The following BCL9L variants were observed in gnomAD, a reference collection of about 807,000 sequenced individuals.
The protein encoded by BCL9L is B-cell CLL/lymphoma 9-like protein.
BCL9L carries 19 observed loss-of-function variants against 99.4 expected under a neutral mutation model. The ratio of observed to expected loss-of-function variants is 0.19; its 90% CI spans 0.13 to 0.28. The LOEUF is 0.28. Ranked by LOEUF, BCL9L falls within the 10% of genes least tolerant of loss-of-function variation. BCL9L has a pLI of 1.00. For synonymous variants in BCL9L, 900 were observed against 854.8 expected (o/e 1.05, Z -0.92); for missense variants, 2,023 against 2,101.6 (o/e 0.96, Z 0.73).
chr11:118,911,800 T>C (rs78780688), intron 2 of BCL9L, among the ~76,000 whole-genome samples: 4,028 of 152,272 alleles, frequency 0.026, 171 homozygotes, highest in African/African-American at 0.091. Context: ...TGAGCCTGCA[T>C]CAGATAGTTG....
In BCL9L at chr11:118,902,158, C is replaced by A; in HGVS notation, c.1585G>T (p.Glu529Ter). Residue 529 changes from glutamate to a stop codon, truncating the protein, a stop_gained, in exon 8 of 10, where the codon GAA becomes TAA. Coordinates refer to ENST00000683865, the MANE Select transcript of BCL9L (RefSeq NM_001378213.1). LOFTEE classifies it high-confidence loss of function. The surrounding 1 kb of genome is among the most constrained non-coding windows in gnomAD (Gnocchi z 7.8). ...AWRKLQEEYY[E>*]EKRRKEEQIG... The stretch of plus-strand genomic sequence containing the variant: ...TGTTCCTCTTTCCGCCGTTTCTCTT[C>A]GTAGTACTCCTCCTGCAGCTTGCGC... The A allele has an allele frequency of 6.2e-7, 1 of 1,614,118 alleles. No homozygotes were observed. The highest frequency in any genetic ancestry group is 1.1e-5 in the South Asian group (1 of 91,084).
rs1405757253 is a variant in BCL9L at position 118,898,698 on chromosome 11, G to C, written c.4217C>G (p.Pro1406Arg). 8 of 1,611,670 alleles carry C rather than the reference G, an allele frequency of 5.0e-6. No individual in the cohort carries two copies. The highest frequency in any genetic ancestry group is 2.2e-5 in the South Asian group (2 of 90,882). Residue 1406 changes from proline to arginine, a missense_variant, in exon 10 of 10, where the codon CCC becomes CGC. Transcript: ENST00000683865. The part of the protein sequence containing the change: ...QMSLLGRTGV[P>R]PQQGMVPHGL... ...ATGGGGCACCATCCCCTGCTGTGGG[G>C]GCACGCCTGTCCTGCCCAGCAAGGA...
At position 118,902,591 on chromosome 11, in the gene BCL9L, G is replaced by T; in HGVS notation, c.1152C>A (p.Ala384=). 6.2e-7 allele frequency: 1 copy of T among 1,600,296 alleles called. No homozygotes were observed. Among genetic ancestry groups the T allele is most frequent in the South Asian group, 1.1e-5 (1 of 91,074 alleles). ...GGCTGCGCTGCCCATTTCCAGGGGC[G>T]GCTGCCTCCCCCAGCAGGGCAGGGC... ...APGPALLGEA[A]APGNGQRSLV... is the part of the protein sequence containing the mutation. Residue 384 remains alanine (A), a synonymous_variant, in exon 8 of 10, where the codon GCC becomes GCA. Coordinates refer to ENST00000683865, the MANE Select transcript of BCL9L (RefSeq NM_001378213.1). This position sits in a 1 kb window ranked among gnomAD's most constrained non-coding sequence, Gnocchi z 7.8.
chr11:118,899,382 G>C lies in BCL9L; in HGVS notation c.3533C>G (p.Pro1178Arg). 1 of 1,584,514 alleles carries C rather than the reference G, an allele frequency of 6.3e-7. No homozygotes were observed. The highest frequency in any genetic ancestry group is 8.6e-7 in the Non-Finnish European group (1 of 1,166,412). Reference sequence around the variant, plus strand: ...TGGAATGTTGGAGCCCAGAGGGGTGGGGGAGGGCAGCATGGCGGGCGGGGG... The same window carrying C: ...TGGAATGTTGGAGCCCAGAGGGGTGCGGGAGGGCAGCATGGCGGGCGGGGG... Reference protein sequence around the residue: ...HEPPPAMLPSPTPLGSNIPLH... With the variant: ...HEPPPAMLPSRTPLGSNIPLH... The change falls in exon 10 of 10, where the codon CCC becomes CGC. Residue 1178 changes from proline (P) to arginine (R), a missense_variant. This residue lies in a region of BCL9L where 902 missense variants were observed against 888.2 expected (regional missense o/e 1.02). Transcript: ENST00000683865.
Position 118,900,812 on chromosome 11 carries a change from C to G in BCL9L, c.2931G>C (p.Gln977His). The change falls in exon 8 of 10, where the codon CAG (glutamine) becomes CAC (histidine). Residue 977 changes from glutamine to histidine, a missense_variant. Physicochemically the swap from Gln to His is conservative, Grantham distance 24. Coordinates refer to ENST00000683865, the MANE Select transcript of BCL9L (RefSeq NM_001378213.1). The surrounding 1 kb of genome is among the most constrained non-coding windows in gnomAD (Gnocchi z 5.3). ...ANPPGPLKSPQVLGSSLSVRS... is the reference protein window; with the variant it reads ...ANPPGPLKSPHVLGSSLSVRS... ...GGACACTGAGGGAGGAGCCGAGGAC[C>G]TGGGGCGACTTGAGAGGTCCTGGCG... The G allele has an allele frequency of 1.2e-6, 2 of 1,613,884 alleles. No homozygotes were observed. The highest frequency in any genetic ancestry group is 1.7e-6 in the Non-Finnish European group (2 of 1,179,924).
chr11:118,898,313 A>ACCCCCCCCCCCCCCCCCCC lies in BCL9L; in HGVS notation c.*101_*102insGGGGGGGGGGGGGGGGGGG. On this transcript the variant is annotated 3_prime_UTR_variant, in exon 10 of 10. Coordinates refer to ENST00000683865, the MANE Select transcript of BCL9L (RefSeq NM_001378213.1). ...ACACAAGCCCCCTCCCACCCCCTCC[A>ACCCCCCCCCCCCCCCCCCC]CCCCACCCCGCGACCCAGGCCATCC... 1 of 273,720 alleles carries ACCCCCCCCCCCCCCCCCCC rather than the reference A, an allele frequency of 3.7e-6. No individual in the cohort carries two copies. The highest frequency in any genetic ancestry group is 5.6e-6 in the Non-Finnish European group (1 of 177,582). 17.0% of individuals were successfully genotyped at this position (273,720 alleles called of 1,614,324 possible).
chr11:118,918,184 C>T (rs994943145), intron 2 of BCL9L, among the ~76,000 whole-genome samples: 2 of 152,102 alleles, frequency 1.3e-5, no homozygotes, highest in African/African-American at 2.4e-5. Context: ...CTAGTCGAAC[C>T]GGGAGCCCTC....
At chr11:118,905,158 A>G (rs1940453904) in intron 5 of BCL9L, among the ~76,000 whole-genome samples, 1 of 152,212 alleles carries the variant, frequency 6.6e-6, no homozygotes, top group African/African-American at 2.4e-5. Context: ...GCCTGATGGC[A>G]GAACTAGTCC....
chr11:118,897,969 C>G lies in BCL9L; in HGVS notation c.*446G>C. 2.3e-6 allele frequency: 1 copy of G among 430,896 alleles called. No individual in the cohort carries two copies. The highest frequency in any genetic ancestry group is 1.7e-5 in the South Asian group (1 of 59,508). The allele number at this position is 430,896 out of a possible 1,614,324, so 26.7% of individuals were successfully genotyped here. The stretch of plus-strand genomic sequence containing the variant: ...AGGAAAATGGGCGGGTGCGGAGAAA[C>G]CAAGAGGGAGGTGGAGCTCCAGCAA... On this transcript the variant is annotated 3_prime_UTR_variant, in exon 10 of 10. Coordinates refer to ENST00000683865, the MANE Select transcript of BCL9L (RefSeq NM_001378213.1).
chr11:118,899,466 G>T lies in BCL9L; in HGVS notation c.3449C>A (p.Ala1150Asp). 2 of 1,608,480 alleles carry T rather than the reference G, an allele frequency of 1.2e-6. No individual in the cohort carries two copies. Among genetic ancestry groups the T allele is most frequent in the Non-Finnish European group, 1.7e-6 (2 of 1,178,696 alleles). The change falls in exon 10 of 10, where the codon GCC becomes GAC. Residue 1150 changes from alanine (A) to aspartate (D), a missense_variant. Ala to Asp is a moderately radical substitution (Grantham distance 126). Coordinates refer to ENST00000683865, the MANE Select transcript of BCL9L (RefSeq NM_001378213.1). ...CATGCCCATAGGGCTCTGGGCAGCG[G>T]CTGAGTTCAGGTGCATCTGGCTGGG... ...SQPSQMHLNS[A>D]AAQSPMGMNL...
At position 118,897,576 on chromosome 11, in the gene BCL9L, C is replaced by T; in HGVS notation, c.*839G>A. On this transcript the variant is annotated 3_prime_UTR_variant, in exon 10 of 10. Transcript: ENST00000683865. ...CCAGGTGGAAGCCTAGGTGGTCTGACCTCAGTTTAGGAGTGGGTCATTTAC... is the reference window on the plus strand; with the variant it reads ...CCAGGTGGAAGCCTAGGTGGTCTGATCTCAGTTTAGGAGTGGGTCATTTAC... 2.8e-6 allele frequency: 1 copy of T among 355,306 alleles called. No homozygotes were observed. The allele number at this position is 355,306 out of a possible 1,614,324, so 22.0% of individuals were successfully genotyped here.
In BCL9L at chr11:118,902,979, G is replaced by T; in HGVS notation, c.834+11C>A. ...ACCCAGTCCTGCTGCTCACAGAGGC[G>T]CCACGCTCACCTGGTCAAGCTTGGC... On this transcript the variant is annotated intron_variant, in intron 7 of 9. Transcript: ENST00000683865. The surrounding 1 kb of genome is among the most constrained non-coding windows in gnomAD (Gnocchi z 7.8). 6.3e-7 allele frequency: 1 copy of T among 1,595,330 alleles called. No homozygotes were observed.
At chr11:118,919,900 C>G (rs543376148) in intron 1 of BCL9L, among the ~76,000 whole-genome samples, 61 of 152,312 alleles carry the variant, frequency 4.0e-4, no homozygotes, top group African/African-American at 1.5e-3. Flanking sequence ...GTGCGTGTCT[C>G]AGAGACAGAG....
intron 9 of BCL9L, among the ~76,000 whole-genome samples, 194 bp from the exon 10 acceptor site, chr11:118,899,702 C>T (rs1373156571): frequency 3.9e-5 from 6 of 152,150 alleles, no homozygotes; most frequent in Admixed American, 2.0e-4. Flanking sequence ...TGGCCCAGTT[C>T]GCCAGACACA....
At position 118,902,273 on chromosome 11, in the gene BCL9L, C is replaced by T; in HGVS notation, c.1470G>A (p.Gly490=). The T allele has an allele frequency of 3.8e-6, 6 of 1,594,360 alleles. No individual in the cohort carries two copies. The highest frequency in any genetic ancestry group is 5.1e-6 in the Non-Finnish European group (6 of 1,168,472). ...GCCCCATGTCCCCACCCGGGGGGTG[C>T]CCAGGCACTTCATGCTCCAGCGGGG... is the stretch of plus-strand genomic sequence containing the variant. ...GGPPLEHEVP[G]HPPGGDMGQQ... The change falls in exon 8 of 10, where the codon GGG becomes GGA. Residue 490 remains glycine (G), a synonymous_variant. Transcript: ENST00000683865. The surrounding 1 kb of genome is among the most constrained non-coding windows in gnomAD (Gnocchi z 7.8).
At position 118,898,440 on chromosome 11, in the gene BCL9L, C is replaced by T. The variant is rs1413719747; in HGVS notation, c.4475G>A (p.Gly1492Asp). The T allele has an allele frequency of 6.2e-7, 1 of 1,605,832 alleles. No individual in the cohort carries two copies. The change falls in exon 10 of 10, where the codon GGC becomes GAC. Residue 1492 changes from glycine (G) to aspartate (D), a missense_variant. Gly to Asp is a moderately conservative substitution (Grantham distance 94). Around this residue, in one of 3 missense-constraint regions of BCL9L, gnomAD observed 902 missense variants for 888.2 expected, o/e 1.02. Coordinates refer to ENST00000683865, the MANE Select transcript of BCL9L (RefSeq NM_001378213.1). ...CTAGAAGGGCAGGTTGGCCATGCCG[C>T]CTGGTGCCGGGAGGTAGCCCATCTG... The part of the protein sequence containing the change: ...DSQMGYLPAP[G>D]GMANLPF
At chr11:118,920,698 G>A (rs1941112805) in intron 1 of BCL9L, among the ~76,000 whole-genome samples, 1 of 152,174 alleles carries the variant, frequency 6.6e-6, no homozygotes, top group South Asian at 2.1e-4. Context: ...GAGGTGGACA[G>A]GTGGTATGAG....
In BCL9L at chr11:118,908,445, G is replaced by T. The variant is rs996372679; in HGVS notation, c.237C>A (p.Asn79Lys). 28 of 1,613,980 alleles carry T rather than the reference G, an allele frequency of 1.7e-5. No individual in the cohort carries two copies. Among genetic ancestry groups the T allele is most frequent in the Non-Finnish European group, 2.3e-5 (27 of 1,179,974 alleles). ...AGATCTGGTTGGCCTTGGCCCCATG[G>T]TTCCCCGCCCCCACGCCCTTCGAGC... ...NVGSKGVGAG[N>K]HGAKANQISP... Residue 79 changes from asparagine to lysine, a missense_variant, in exon 4 of 10, where the codon AAC becomes AAA. By Grantham distance (94) the Asn-to-Lys change is moderately conservative (BLOSUM62 0). Transcript: ENST00000683865.
chr11:118,904,268 C>G (rs1473013297), intron 5 of BCL9L, among the ~76,000 whole-genome samples: 1 of 151,924 alleles, frequency 6.6e-6, no homozygotes, highest in Non-Finnish European at 1.5e-5. Flanking sequence ...TGGTGAAACC[C>G]CGTCTCTACT....
Sources: allele counts gnomAD v4.1 joint callset (sites outside exome capture counted in the v4.1 genomes callset), GRCh38; gene constraint gnomAD v4.1.1; regional missense constraint gnomAD v4.1.1; non-coding constraint Gnocchi (gnomAD v3.1); transcripts MANE v1.5; gene names NCBI Gene and HGNC (gene_info 2026-07-23, HGNC 2026-07-21).